Variants in MAGI2 observed in about 807,000 individuals in gnomAD.
The protein encoded by MAGI2 is membrane associated guanylate kinase, WW and PDZ domain containing 2.
In MAGI2, 35 loss-of-function variants were observed where a neutral mutation model predicts 133.3. That is an observed-to-expected ratio of 0.26 (90% CI 0.20 to 0.35). The LOEUF is 0.35. Ranked by LOEUF, MAGI2 falls within the 10% of genes least tolerant of loss-of-function variation. MAGI2 has a pLI of 1.00. For missense variants in MAGI2, 1,636 were observed against 1,863.4 expected (o/e 0.88, Z 2.25); for synonymous variants, 729 against 710.6 (o/e 1.03, Z -0.41).
intron 2 of MAGI2, among the ~76,000 whole-genome samples, chr7:78,775,831 G>T (rs192254198): frequency 6.6e-6 from 1 of 152,306 alleles, no homozygotes; most frequent in East Asian, 1.9e-4. Flanking sequence ...AACGCAACTG[G>T]TGCTACACAA....
intron 21 of MAGI2, among the ~76,000 whole-genome samples, chr7:78,066,229 A>C (rs1250020655): frequency 6.6e-6 from 1 of 152,102 alleles, no homozygotes; most frequent in Non-Finnish European, 1.5e-5. Context: ...TGGGAGGCCG[A>C]GGTGGGCGGA....
At chr7:78,573,345 TAG>T (rs1212529640) in intron 3 of MAGI2, among the ~76,000 whole-genome samples, 6 of 65,142 alleles carry the variant, frequency 9.2e-5, no homozygotes, top group East Asian at 5.4e-4. Flanking sequence ...TATATATATA[TAG>T]AGAGAGAGAA....
intron 2 of MAGI2, among the ~76,000 whole-genome samples, chr7:78,967,547 A>G (rs1228010323): frequency 6.6e-6 from 1 of 151,388 alleles, no homozygotes; most frequent in Non-Finnish European, 1.5e-5. Context: ...TTTTTTCCTT[A>G]TGTTTTCTTC....
At chr7:78,307,807 A>T (rs2151087942) in intron 9 of MAGI2, among the ~76,000 whole-genome samples, 1 of 152,294 alleles carries the variant, frequency 6.6e-6, no homozygotes, top group South Asian at 2.1e-4. Flanking sequence ...TATGATTAAA[A>T]TTTTCCAGAA....
chr7:79,112,027 T>G (rs1818970277), intron 1 of MAGI2, among the ~76,000 whole-genome samples: 1 of 152,122 alleles, frequency 6.6e-6, no homozygotes, highest in South Asian at 2.1e-4. Context: ...TGGCCAGTAG[T>G]ACTCCATGCT....
At chr7:78,448,448 C>G (rs772293859) in intron 6 of MAGI2, among the ~76,000 whole-genome samples, 5 of 151,958 alleles carry the variant, frequency 3.3e-5, no homozygotes, top group Non-Finnish European at 4.4e-5. Context: ...AGGGGGCTCA[C>G]CAGAAAAACT....
intron 3 of MAGI2, among the ~76,000 whole-genome samples, chr7:78,567,393 TAC>T (rs34795351): frequency 0.2 from 29,463 of 147,526 alleles, 3,875 homozygotes; most frequent in East Asian, 0.51. Context: ...GCCTACACAC[TAC>T]ACACACACAC....
chr7:78,810,297 A>C (rs545899823), intron 2 of MAGI2, among the ~76,000 whole-genome samples: 2 of 152,256 alleles, frequency 1.3e-5, no homozygotes, highest in African/African-American at 4.8e-5. Flanking sequence ...TATTTTGCTG[A>C]TCATATTCAC....
At chr7:78,385,801 A>G (rs371877608) in intron 6 of MAGI2, among the ~76,000 whole-genome samples, 82 of 152,308 alleles carry the variant, frequency 5.4e-4, no homozygotes, top group African/African-American at 1.8e-3. Flanking sequence ...ATATACCTTC[A>G]TTTAGGTTAT....
At chr7:78,861,510 A>G (rs1794153921) in intron 2 of MAGI2, among the ~76,000 whole-genome samples, 1 of 152,234 alleles carries the variant, frequency 6.6e-6, no homozygotes, top group South Asian at 2.1e-4. Flanking sequence ...TTAGACACAC[A>G]GATAAACTAC....
At chr7:78,724,837 C>T (rs1820613823) in intron 2 of MAGI2, among the ~76,000 whole-genome samples, 1 of 152,152 alleles carries the variant, frequency 6.6e-6, no homozygotes, top group Admixed American at 6.5e-5. Context: ...GCCAGTTGCA[C>T]CATTTTACTT....
intron 5 of MAGI2, among the ~76,000 whole-genome samples, chr7:78,495,461 G>A (rs1405718643): frequency 1.3e-5 from 2 of 152,116 alleles, no homozygotes; most frequent in African/African-American, 2.4e-5. Flanking sequence ...AAATCATCAG[G>A]ATGATTGTAA....
chr7:78,457,905 T>C (rs1037594652), intron 6 of MAGI2, among the ~76,000 whole-genome samples: 3 of 152,188 alleles, frequency 2.0e-5, no homozygotes, highest in African/African-American at 7.2e-5. Context: ...CACAAGTATA[T>C]TCAATAATCT....
chr7:78,891,206 T>G (rs142303909), intron 2 of MAGI2, among the ~76,000 whole-genome samples: 4,470 of 152,184 alleles, frequency 0.029, 81 homozygotes, highest in Middle Eastern at 0.051. Flanking sequence ...AATAGACCAA[T>G]AACAGGCTCT....
intron 2 of MAGI2, among the ~76,000 whole-genome samples, chr7:78,736,134 A>G (rs1044724687): frequency 6.6e-6 from 1 of 152,232 alleles, no homozygotes; most frequent in African/African-American, 2.4e-5. Flanking sequence ...ACCAATGAAT[A>G]TCAAATGTAC....
At chr7:79,448,450 G>A (rs1849012830) in intron 1 of MAGI2, among the ~76,000 whole-genome samples, 1 of 152,026 alleles carries the variant, frequency 6.6e-6, no homozygotes, top group Non-Finnish European at 1.5e-5. Flanking sequence ...GTTTGCAATA[G>A]CATTTACTAA....
chr7:78,433,885 G>T (rs941009249), intron 6 of MAGI2, among the ~76,000 whole-genome samples: 2 of 152,022 alleles, frequency 1.3e-5, no homozygotes, highest in Admixed American at 6.6e-5. Flanking sequence ...GTTCCAGAGG[G>T]CCAAATATGA....
intron 10 of MAGI2, among the ~76,000 whole-genome samples, chr7:78,241,898 C>T (rs1791184108): frequency 6.6e-6 from 1 of 151,518 alleles, no homozygotes; most frequent in Non-Finnish European, 1.5e-5. Context: ...CATGCCACTG[C>T]ACTCCAGCCT....
intron 1 of MAGI2, among the ~76,000 whole-genome samples, chr7:79,303,518 C>A (rs1837537350): frequency 6.6e-6 from 1 of 152,056 alleles, no homozygotes; most frequent in Admixed American, 6.6e-5. Context: ...AAAGCATAAA[C>A]CTAGAAAACA....
Sources: gnomAD v4.1 joint callset for allele counts (sites outside exome capture counted in the v4.1 genomes callset) on GRCh38, gnomAD v4.1.1 for gene constraint, MANE v1.5 for transcripts, NCBI Gene and HGNC (gene_info 2026-07-23, HGNC 2026-07-21) for gene names.